C9orf50: variants seen among roughly 807,000 people sequenced by gnomAD.
C9orf50 encodes chromosome 9 open reading frame 50.
In C9orf50, 33 loss-of-function variants were observed where a neutral mutation model predicts 42.5. The ratio of observed to expected loss-of-function variants is 0.78; its 90% CI spans 0.59 to 1.04. The LOEUF (loss-of-function observed/expected upper bound fraction) is 1.04, where lower values mean the gene tolerates loss of function less well. Ranked by LOEUF, C9orf50 falls within the 50% of genes least tolerant of loss-of-function variation. C9orf50 has a pLI of 0.00. For missense variants in C9orf50, 547 were observed against 594.3 expected (o/e 0.92, Z 0.83); for synonymous variants, 257 against 273.4 (o/e 0.94, Z 0.59).
rs575982882 is a variant in C9orf50 at position 129,619,897 on chromosome 9, G to T, written c.509-67C>A. The T allele has an allele frequency of 4.1e-5, 64 of 1,555,234 alleles. No homozygotes were observed. The South Asian group carries it at 6.4e-4, about 15-fold the overall frequency. On this transcript the variant is annotated intron_variant, in intron 1 of 6. Transcript: ENST00000372478. The stretch of plus-strand genomic sequence containing the variant: ...CGGTCCTTTCTAGTCATGTGGCCTC[G>T]GGGTGATGGCAGACCAGCCCTCAAG...
In C9orf50 at chr9:129,619,499, CT is replaced by C; in HGVS notation, c.716+20del. 6.4e-7 allele frequency: 1 copy of C among 1,573,238 alleles called. No individual in the cohort carries two copies. Among genetic ancestry groups the C allele is most frequent in the Non-Finnish European group, 8.7e-7 (1 of 1,145,126 alleles). ...TGCCCCTTTCCTCCACTACCCTACC[CT>C]TATCCCGCCCATCACTCACTGGTTG... On this transcript the variant is annotated intron_variant, in intron 3 of 6. Transcript: ENST00000372478.
chr9:129,616,807 G>A (rs1483147075), intron 3 of C9orf50, among the ~76,000 whole-genome samples: 1 of 152,130 alleles, frequency 6.6e-6, no homozygotes, highest in Non-Finnish European at 1.5e-5. Context: ...AACCCGGTGT[G>A]GTGGCTCACG....
At chr9:129,612,741 G>C (rs1449141497) in intron 6 of C9orf50, among the ~76,000 whole-genome samples, 1 of 152,184 alleles carries the variant, frequency 6.6e-6, no homozygotes, top group African/African-American at 2.4e-5. Context: ...AGCTGGGTGT[G>C]GTGGTGGGTG....
chr9:129,616,247 G>T (rs565595282), intron 3 of C9orf50, among the ~76,000 whole-genome samples: 2 of 152,144 alleles, frequency 1.3e-5, no homozygotes, highest in Admixed American at 1.3e-4. Context: ...ACAGATTCTC[G>T]CTCTGTGGCT....
upstream of C9orf50, among the ~76,000 whole-genome samples, chr9:129,621,088 C>G (rs1298990303): frequency 6.6e-6 from 1 of 152,262 alleles, no homozygotes; most frequent in East Asian, 1.9e-4. Context: ...ATCACCGCAT[C>G]ACCGCTGGTA....
In C9orf50 at chr9:129,620,736, G is replaced by T; in HGVS notation, c.-162C>A. 1 of 569,848 alleles carries T rather than the reference G, an allele frequency of 1.8e-6. No homozygotes were observed. The highest frequency in any genetic ancestry group is 2.6e-6 in the Non-Finnish European group (1 of 383,980). The allele number at this position is 569,848 out of a possible 1,614,324, so 35.3% of individuals were successfully genotyped here. A position where few individuals can be genotyped will look rare whatever the true frequency, so the allele number is the denominator to read the frequency against. On this transcript the variant is annotated 5_prime_UTR_variant, in exon 1 of 7. It adds an upstream start codon to the 5' untranslated region. Transcript: ENST00000372478. This position sits in a 1 kb window ranked among gnomAD's most constrained non-coding sequence, Gnocchi z 5.8. Reference sequence around the variant, plus strand: ...GCCCGGCGGACAGCGAGTGGCTTCAGGCGAGAGCTCCCAGAGCCTCTGTTT... The same window carrying T: ...GCCCGGCGGACAGCGAGTGGCTTCATGCGAGAGCTCCCAGAGCCTCTGTTT...
At chr9:129,616,821 G>A (rs1830412651) in intron 3 of C9orf50, among the ~76,000 whole-genome samples, 1 of 152,180 alleles carries the variant, frequency 6.6e-6, no homozygotes, top group South Asian at 2.1e-4. Flanking sequence ...GCTCACGCCT[G>A]TAATCCCAGC....
At position 129,615,629 on chromosome 9, in the gene C9orf50, C is replaced by T. The variant is rs574276217; in HGVS notation, c.735G>A (p.Gln245=). Reference sequence around the variant, plus strand: ...TCAGCGCAGCCTTGAGCCTGGGGACCTGTGCACCGTGGGGCCTGCTGAGAG... The same window carrying T: ...TCAGCGCAGCCTTGAGCCTGGGGACTTGTGCACCGTGGGGCCTGCTGAGAG... The change falls in exon 4 of 7, where the codon CAG becomes CAA. Residue 245 remains glutamine (Q), a synonymous_variant. Transcript: ENST00000372478. The T allele has an allele frequency of 4.4e-6, 7 of 1,580,004 alleles. No individual in the cohort carries two copies. The African/African-American group carries it at 6.7e-5, about 15-fold the overall frequency.
chr9:129,615,670 G>A (rs765064776), intron 3 of C9orf50, 23 bp from the exon 4 acceptor site: 5 of 1,508,456 alleles, frequency 3.3e-6, no homozygotes, highest in Non-Finnish European at 4.4e-6. Flanking sequence ...AGAGGGGCCT[G>A]TGCTCGAAGC....
rs766515597 is a variant in C9orf50 at position 129,619,655 on chromosome 9, A to G, written c.600-19T>C. Reference sequence around the variant, plus strand: ...CTGGCCCCTTAAAGACAAACAGGCCACATCTGGCATGAGTGGCCAGGCTGT... The same window carrying G: ...CTGGCCCCTTAAAGACAAACAGGCCGCATCTGGCATGAGTGGCCAGGCTGT... On this transcript the variant is annotated intron_variant, in intron 2 of 6. Transcript: ENST00000372478. The G allele has an allele frequency of 6.2e-7, 1 of 1,613,644 alleles. No individual in the cohort carries two copies. Among genetic ancestry groups the G allele is most frequent in the East Asian group, 2.2e-5 (1 of 44,854 alleles).
At position 129,613,825 on chromosome 9, in the gene C9orf50, C is replaced by T. The variant is rs557657417; in HGVS notation, c.881-228G>A. ...CTGTGCCCCTGCGCACCCCCACTCA[C>T]GCTGCAGCCGGAAGCGTGCCCCCTT... On this transcript the variant is annotated intron_variant, in intron 4 of 6. Coordinates refer to ENST00000372478, the Ensembl canonical transcript of C9orf50. The surrounding 1 kb of genome is among the most constrained non-coding windows in gnomAD (Gnocchi z 6.2). Among the ~76,000 whole-genome samples, 7 of 152,356 alleles carry T rather than the reference C, an allele frequency of 4.6e-5. No homozygotes were observed. Among genetic ancestry groups the T allele is most frequent in the Admixed American group, 3.3e-4 (5 of 15,306 alleles).
exon 2 of C9orf50, chr9:129,619,773 C>G: frequency 6.2e-7 from 1 of 1,614,006 alleles, no homozygotes; most frequent in Non-Finnish European, 8.5e-7. Flanking sequence ...GTTGGGACAC[C>G]GCGGAGACCC....
chr9:129,620,388 G>C lies in C9orf50; in HGVS notation c.187C>G (p.Pro63Ala), dbSNP rs547381419. The C allele has an allele frequency of 7.2e-5, 89 of 1,232,022 alleles. No individual in the cohort carries two copies. In the African/African-American group the frequency reaches 1.3e-3, roughly 18 times the overall value. 76.3% of individuals were successfully genotyped at this position (1,232,022 alleles called of 1,614,324 possible). Residue 63 changes from proline (P) to alanine (A), a missense_variant, in exon 1 of 7, where the codon CCG (proline) becomes GCG (alanine). Pro to Ala is a conservative substitution (Grantham distance 27, BLOSUM62 -1). Around this residue, in one of 3 missense-constraint regions of C9orf50, gnomAD observed 105 missense variants for 98.5 expected, o/e 1.07. Coordinates refer to ENST00000372478, the Ensembl canonical transcript of C9orf50. The surrounding 1 kb of genome is among the most constrained non-coding windows in gnomAD (Gnocchi z 5.8). ...ACCCCGGGCTTGGCGTCCCCTTCCG[G>C]CCACCACGCGGCGCCGCCCCCCGGG...
In C9orf50 at chr9:129,620,734, C is replaced by T. The variant is rs1588126360; in HGVS notation, c.-160G>A. 1 of 569,924 alleles carries T rather than the reference C, an allele frequency of 1.8e-6. No individual in the cohort carries two copies. The highest frequency in any genetic ancestry group is 2.6e-6 in the Non-Finnish European group (1 of 384,142). 35.3% of individuals were successfully genotyped at this position (569,924 alleles called of 1,614,324 possible). ...CGGCCCGGCGGACAGCGAGTGGCTT[C>T]AGGCGAGAGCTCCCAGAGCCTCTGT... On this transcript the variant is annotated 5_prime_UTR_variant, in exon 1 of 7. Transcript: ENST00000372478. This position sits in a 1 kb window ranked among gnomAD's most constrained non-coding sequence, Gnocchi z 5.8.
In C9orf50 at chr9:129,614,806, G is replaced by T. The variant is rs1830270633; in HGVS notation, c.880+678C>A. 6.6e-6 allele frequency among the ~76,000 whole-genome samples: 1 copy of T among 152,186 alleles called. No homozygotes were observed. ...AATCCCAGGTACTCAGGAGGCTGAGGCAGGAGAATGGCATGAACCCGGGAG... is the reference window on the plus strand; with the variant it reads ...AATCCCAGGTACTCAGGAGGCTGAGTCAGGAGAATGGCATGAACCCGGGAG... On this transcript the variant is annotated intron_variant, in intron 4 of 6. Coordinates refer to ENST00000372478, the Ensembl canonical transcript of C9orf50. The surrounding 1 kb of genome is among the most constrained non-coding windows in gnomAD (Gnocchi z 4.4).
At chr9:129,615,342 T>G (rs1344512085) in intron 4 of C9orf50, 142 bp downstream of exon 4, 6 of 926,632 alleles carry the variant, frequency 6.5e-6, no homozygotes, top group Non-Finnish European at 9.2e-6. Context: ...GGAGGCCAGT[T>G]CAGGCACATC....
chr9:129,615,488 G>T, exon 4 of C9orf50: 1 of 1,592,752 alleles, frequency 6.3e-7, no homozygotes. Context: ...GCTTACCTGA[G>T]CGTCTGCGCT....
intron 3 of C9orf50, among the ~76,000 whole-genome samples, chr9:129,618,841 C>T (rs1490762949): frequency 1.3e-5 from 2 of 151,128 alleles, no homozygotes; most frequent in African/African-American, 4.9e-5. Flanking sequence ...TACAGGCGCC[C>T]GCCACCACGC....
chr9:129,616,211 T>TTTTTTG (rs1431307924), intron 3 of C9orf50, among the ~76,000 whole-genome samples: 1 of 151,998 alleles, frequency 6.6e-6, no homozygotes, highest in African/African-American at 2.4e-5. Flanking sequence ...CAGGGAGCTG[T>TTTTTTG]TTTTTGTTTT....
Sources: allele counts gnomAD v4.1 joint callset (sites outside exome capture counted in the v4.1 genomes callset), GRCh38; gene constraint gnomAD v4.1.1; regional missense constraint gnomAD v4.1.1; non-coding constraint Gnocchi (gnomAD v3.1); transcripts MANE v1.5; gene names NCBI Gene and HGNC (gene_info 2026-07-23, HGNC 2026-07-21).